Variants in PCDH9 observed in about 807,000 individuals in gnomAD.
PCDH9 encodes the protein protocadherin 9, also known as protocadherin-9.
Under a neutral mutation model 70.6 loss-of-function variants are expected in PCDH9, and 24 were observed. The ratio of observed to expected loss-of-function variants is 0.34; its 90% confidence interval spans 0.25 to 0.48. PCDH9 has a LOEUF of 0.48. PCDH9 is among the 20% of genes least tolerant of loss of function. The pLI is 0.99. For missense variants in PCDH9, 1,281 were observed against 1,503.6 expected, an observed-to-expected ratio of 0.85 and a Z score of 2.45; for synonymous variants, 562 against 558.5, an observed-to-expected ratio of 1.01 and a Z score of -0.09.
intron 2 of PCDH9, among the ~76,000 whole-genome samples, chr13:67,028,942 T>C (rs2084848340): frequency 6.6e-6 from 1 of 152,152 alleles, no homozygotes; most frequent in South Asian, 2.1e-4. Context: ...TCTGGCAAAA[T>C]CACGTTTTCT....
chr13:66,919,266 T>G (rs1029686685), intron 2 of PCDH9, among the ~76,000 whole-genome samples: 1 of 151,262 alleles, frequency 6.6e-6, no homozygotes, highest in East Asian at 1.9e-4. Context: ...AAACAAAATA[T>G]TTTTTGCTAA....
chr13:66,342,858 C>T (rs1039346011), intron 4 of PCDH9, among the ~76,000 whole-genome samples: 2 of 151,782 alleles, frequency 1.3e-5, no homozygotes, highest in Non-Finnish European at 2.9e-5. Context: ...GTTGCCCAGG[C>T]TGGCCTCGAA....
intron 4 of PCDH9, among the ~76,000 whole-genome samples, chr13:66,434,636 T>A (rs1432289397): frequency 6.6e-6 from 1 of 151,888 alleles, no homozygotes; most frequent in African/African-American, 2.4e-5. Flanking sequence ...GTCATCACAT[T>A]TTTTTTAATC....
chr13:67,109,393 T>G (rs569205330), intron 2 of PCDH9, among the ~76,000 whole-genome samples: 90 of 152,318 alleles, frequency 5.9e-4, no homozygotes, highest in African/African-American at 2.0e-3. Flanking sequence ...CCTAAGTAAG[T>G]CAATAATGTA....
At chr13:67,109,331 T>C (rs996118647) in intron 2 of PCDH9, among the ~76,000 whole-genome samples, 2 of 152,194 alleles carry the variant, frequency 1.3e-5, no homozygotes, top group African/African-American at 4.8e-5. Context: ...AGTTCTATTG[T>C]GCCAATGAGA....
chr13:66,542,852 T>C (rs1961025205), intron 4 of PCDH9, among the ~76,000 whole-genome samples: 2 of 149,008 alleles, frequency 1.3e-5, no homozygotes, highest in South Asian at 4.2e-4. Flanking sequence ...GAGAACCCTA[T>C]ACAACTATTA....
At chr13:66,786,963 C>T (rs994385915) in intron 3 of PCDH9, among the ~76,000 whole-genome samples, 21 of 152,116 alleles carry the variant, frequency 1.4e-4, no homozygotes, top group African/African-American at 4.3e-4. Context: ...GAAGACAATA[C>T]GTATGATAGT....
At chr13:66,486,793 C>T (rs866709321) in intron 4 of PCDH9, among the ~76,000 whole-genome samples, 10 of 152,106 alleles carry the variant, frequency 6.6e-5, no homozygotes, top group Admixed American at 1.3e-4. Flanking sequence ...CAAATACTAA[C>T]GAGGCAATCT....
At chr13:66,550,211 T>G (rs1449230311) in intron 4 of PCDH9, among the ~76,000 whole-genome samples, 4 of 152,116 alleles carry the variant, frequency 2.6e-5, no homozygotes, top group Non-Finnish European at 4.4e-5. Flanking sequence ...AATTGTTTAA[T>G]GATTTAAGCT....
chr13:66,486,219 A>T (rs1176723102), intron 4 of PCDH9, among the ~76,000 whole-genome samples: 2 of 152,074 alleles, frequency 1.3e-5, no homozygotes, highest in Admixed American at 6.5e-5. Context: ...AGGCAGGAGG[A>T]TTATTTGAAC....
chr13:67,073,879 C>T (rs913407961), intron 2 of PCDH9, among the ~76,000 whole-genome samples: 4 of 151,942 alleles, frequency 2.6e-5, no homozygotes, highest in Non-Finnish European at 5.9e-5. Context: ...GGTACTTCTA[C>T]TAAACGTCTA....
intron 2 of PCDH9, among the ~76,000 whole-genome samples, chr13:67,032,418 C>T (rs990522144): frequency 6.6e-6 from 1 of 152,096 alleles, no homozygotes; most frequent in South Asian, 2.1e-4. Flanking sequence ...CCATCCTAGG[C>T]CTCCCAAAGT....
chr13:66,446,636 AT>A (rs1958095890), intron 4 of PCDH9, among the ~76,000 whole-genome samples: 1 of 152,074 alleles, frequency 6.6e-6, no homozygotes, highest in Non-Finnish European at 1.5e-5. Flanking sequence ...ATGGAATTCC[AT>A]TTTGATTCCC....
intron 2 of PCDH9, among the ~76,000 whole-genome samples, chr13:66,934,708 CTTTTTTTTTTT>C (rs1158291293): frequency 6.3e-5 from 3 of 47,330 alleles, no homozygotes; most frequent in African/African-American, 8.7e-5. Context: ...CATGTGTTTG[CTTTTTTTTTTT>C]TTTTTTTTTT....
chr13:66,917,190 C>T (rs1404397149), intron 2 of PCDH9, among the ~76,000 whole-genome samples: 1 of 151,428 alleles, frequency 6.6e-6, no homozygotes, highest in African/African-American at 2.4e-5. Context: ...ATAGCAACAA[C>T]TTTTGCTCAA....
intron 2 of PCDH9, among the ~76,000 whole-genome samples, chr13:67,168,781 A>G (rs1436744223): frequency 6.6e-6 from 1 of 152,186 alleles, no homozygotes. Flanking sequence ...TACTCAGAAA[A>G]CACTCCCAAT....
chr13:66,373,723 G>C (rs1956700440), intron 4 of PCDH9, among the ~76,000 whole-genome samples: 1 of 151,996 alleles, frequency 6.6e-6, no homozygotes, highest in Non-Finnish European at 1.5e-5. Context: ...ATAAGAGTAG[G>C]TAGTAATATT....
chr13:67,033,314 A>G (rs910561411), intron 2 of PCDH9, among the ~76,000 whole-genome samples: 3 of 152,180 alleles, frequency 2.0e-5, no homozygotes, highest in African/African-American at 7.2e-5. Context: ...CAAGCAAGGA[A>G]AGGTAAAAAT....
intron 4 of PCDH9, among the ~76,000 whole-genome samples, chr13:66,362,593 C>G (rs1003005005): frequency 1.3e-5 from 2 of 152,018 alleles, no homozygotes; most frequent in African/African-American, 4.8e-5. Context: ...AAAATGATTA[C>G]TCTCTGAGAA....
Sources: allele counts gnomAD v4.1 joint callset (sites outside exome capture counted in the v4.1 genomes callset), GRCh38; gene constraint gnomAD v4.1.1; transcripts MANE v1.5; gene names NCBI Gene and HGNC (gene_info 2026-07-23, HGNC 2026-07-21).